The following KRT71 variants were observed in gnomAD, a reference collection of about 807,000 sequenced individuals.
The protein encoded by KRT71 is keratin, type II cytoskeletal 71.
Under a neutral mutation model 46.2 loss-of-function variants are expected in KRT71, and 42 were observed. The observed-to-expected ratio is 0.91, with a 90% CI of 0.71 to 1.18. The LOEUF (loss-of-function observed/expected upper bound fraction) is 1.18. KRT71 is among the 50% of genes most tolerant of loss of function. The probability of loss-of-function intolerance (pLI) is 0.00; values close to 1 mark genes in which losing one functional copy is unlikely to be tolerated. For missense variants in KRT71, 708 were observed against 677.9 expected, an observed-to-expected ratio of 1.04 and a Z score of -0.49; for synonymous variants, 292 against 277.8, an observed-to-expected ratio of 1.05 and a Z score of -0.51.
chr12:52,544,196 AC>A lies in KRT71; in HGVS notation c.*335del. On this transcript the variant is annotated 3_prime_UTR_variant, in exon 9 of 9. Coordinates refer to ENST00000267119, the MANE Select transcript of KRT71 (RefSeq NM_033448.3). ...AGTGTGTGCGGGGCCTTGGGCAGAG[AC>A]CCAGGGAGCCCAGCAGAGTAGTTAG... The A allele has an allele frequency of 2.6e-6, 1 of 381,384 alleles. No individual in the cohort carries two copies. The allele number at this position is 381,384 out of a possible 1,614,324, so 23.6% of individuals were successfully genotyped here.
chr12:52,546,601 C>T, intron 6 of KRT71, 95 bp from the exon 7 acceptor site: 1 of 1,173,192 alleles, frequency 8.5e-7, no homozygotes, highest in Non-Finnish European at 1.2e-6. Context: ...GGCAGAGTGG[C>T]CCGCCTCCAC....
chr12:52,551,473 A>G lies in KRT71; in HGVS notation c.441+1164T>C, dbSNP rs143327204. Among the ~76,000 whole-genome samples the G allele has an allele frequency of 3.9e-4, 60 of 152,334 alleles. 1 individual carries two copies. The East Asian group carries it at 8.9e-3, about 23-fold the overall frequency. ...AACACTTTGATCTTGCAGATATGAA[A>G]AGGCTTAGAAGAATAAGAAGCCGCA... On this transcript the variant is annotated intron_variant, in intron 1 of 8. Transcript: ENST00000267119.
In KRT71 at chr12:52,553,001, C is replaced by G; in HGVS notation, c.77G>C (p.Gly26Ala). The change falls in exon 1 of 9, where the codon GGG (glycine) becomes GCG (alanine). Residue 26 changes from glycine (G) to alanine (A), a missense_variant. Coordinates refer to ENST00000267119, the MANE Select transcript of KRT71 (RefSeq NM_033448.3). ...TGCCCGGAAGGAGGATGAGCTGCCC[C>G]CTGAGAGCACAGCTGAGCAGCCACT... ...GFSGCSAVLS[G>A]GSSSSFRAGS... 2 of 1,613,762 alleles carry G rather than the reference C, an allele frequency of 1.2e-6. No individual in the cohort carries two copies. The highest frequency in any genetic ancestry group is 1.7e-6 in the Non-Finnish European group (2 of 1,179,836).
At chr12:52,548,651 T>C (rs754273167) in intron 4 of KRT71, 50 bp downstream of exon 4, 4 of 1,536,128 alleles carry the variant, frequency 2.6e-6, no homozygotes, top group Admixed American at 3.3e-5. Context: ...TAGAATAGAG[T>C]TTAACCCACC....
chr12:52,548,004 G>A (rs1169454672), intron 5 of KRT71, 22 bp from the exon 6 acceptor site: 4 of 1,527,162 alleles, frequency 2.6e-6, no homozygotes, highest in Non-Finnish European at 3.6e-6. Flanking sequence ...AAAGCACAGA[G>A]TCATGAGTGT....
rs564993214 is a variant in KRT71, at chr12:52,546,233, T to C, written c.1325+53A>G. The C allele has an allele frequency of 3.8e-6, 6 of 1,597,980 alleles. No homozygotes were observed. The African/African-American group carries it at 8.1e-5, about 21-fold the overall frequency. ...GATTGAGATGTGTTAGGCTTTCTCCTTTGGGTCTTCCCAAACCCCTGGGGC... is the reference window on the plus strand; with the variant it reads ...GATTGAGATGTGTTAGGCTTTCTCCCTTGGGTCTTCCCAAACCCCTGGGGC... On this transcript the variant is annotated intron_variant, in intron 7 of 8. Coordinates refer to ENST00000267119, the MANE Select transcript of KRT71 (RefSeq NM_033448.3).
rs752878093 is a variant in KRT71, at chr12:52,544,594, A to C, written c.1510T>G (p.Tyr504Asp). 2 of 1,614,076 alleles carry C rather than the reference A, an allele frequency of 1.2e-6. No homozygotes were observed. The highest frequency in any genetic ancestry group is 2.2e-5 in the South Asian group (2 of 91,084). Residue 504 changes from tyrosine (Y) to aspartate (D), a missense_variant, in exon 9 of 9, where the codon TAC (tyrosine) becomes GAC (aspartate). By Grantham distance (160) the Tyr-to-Asp change is radical. Transcript: ENST00000267119. ...EGRSRGSAND[Y>D]KDTLGKGSSL... ...GAACCCTTCCCTAGGGTGTCTTTGT[A>C]ATCGTTGGCACTGCCCCGGCTCCTG...
intron 2 of KRT71, 129 bp downstream of exon 2, chr12:52,549,900 T>G: frequency 1.9e-6 from 2 of 1,058,106 alleles, no homozygotes; most frequent in Non-Finnish European, 2.8e-6. Flanking sequence ...GTTGGGGTGA[T>G]TCTGCTTGAT....
rs775082125 is a variant in KRT71 at position 52,550,156 on chromosome 12, G to C, written c.529C>G (p.Leu177Val). ...QLDLNNCKNN[L>V]EPILEGYISN... Reference sequence around the variant, plus strand: ...ATGTAGCCCTCGAGGATGGGCTCCAGGTTGTTCTTGCAGTTGTTCAGGTCC... The same window carrying C: ...ATGTAGCCCTCGAGGATGGGCTCCACGTTGTTCTTGCAGTTGTTCAGGTCC... Residue 177 changes from leucine (L) to valine (V), a missense_variant, in exon 2 of 9, where the codon CTG (leucine) becomes GTG (valine). Physicochemically the swap from Leu to Val is conservative, Grantham distance 32. Coordinates refer to ENST00000267119, the MANE Select transcript of KRT71 (RefSeq NM_033448.3). The C allele has an allele frequency of 1.9e-6, 3 of 1,614,172 alleles. No individual in the cohort carries two copies. The Admixed American group carries it at 5.0e-5, about 27-fold the overall frequency.
Position 52,552,632 on chromosome 12 carries a change from C to G in KRT71, c.441+5G>C. On this transcript the variant is annotated splice_donor_5th_base_variant and intron_variant, in intron 1 of 8. Coordinates refer to ENST00000267119, the MANE Select transcript of KRT71 (RefSeq NM_033448.3). The stretch of plus-strand genomic sequence containing the variant: ...CACAAGTTCCCCAGGCCCTAGAAGA[C>G]CCACCTTGTCGATGAAGGAGGCGAA... 1 of 1,606,794 alleles carries G rather than the reference C, an allele frequency of 6.2e-7. No homozygotes were observed. Among genetic ancestry groups the G allele is most frequent in the Non-Finnish European group, 8.5e-7 (1 of 1,176,564 alleles).
In KRT71 at chr12:52,546,470, G is replaced by A. The variant is rs1402899898; in HGVS notation, c.1141C>T (p.Gln381Ter). ...NLETAIADAE[Q>*]RGDNALKDAR... ...TCCTTCAGGGCGTTGTCTCCCCGCT[G>A]CTCAGCATCAGCGATGGCTGTCTCC... The change falls in exon 7 of 9, where the codon CAG (glutamine) becomes TAG (stop). Residue 381 changes from glutamine (Q) to a stop codon, truncating the protein, a stop_gained. Transcript: ENST00000267119. LOFTEE classifies it high-confidence loss of function. 1 of 1,614,050 alleles carries A rather than the reference G, an allele frequency of 6.2e-7. No individual in the cohort carries two copies. The highest frequency in any genetic ancestry group is 1.3e-5 in the African/African-American group (1 of 74,942).
chr12:52,547,317 G>C (rs1939074142), intron 6 of KRT71, among the ~76,000 whole-genome samples: 1 of 152,174 alleles, frequency 6.6e-6, no homozygotes, highest in African/African-American at 2.4e-5. Flanking sequence ...TGTACATCTT[G>C]TGTCTCACCT....
rs1047247476 is a variant in KRT71 at position 52,549,157 on chromosome 12, A to T, written c.717+136T>A. ...CATTCTTTTTTCTGGATAGTCTTTC[A>T]TCAAGTTTTCTCTGCCTTCACCTTG... is the stretch of plus-strand genomic sequence containing the variant. On this transcript the variant is annotated intron_variant, in intron 3 of 8. Transcript: ENST00000267119. The T allele has an allele frequency of 2.1e-5, 16 of 772,016 alleles. No individual in the cohort carries two copies. In the African/African-American group the frequency reaches 2.4e-4, roughly 11 times the overall value. The allele number at this position is 772,016 out of a possible 1,614,324, so 47.8% of individuals were successfully genotyped here. A position where few individuals can be genotyped will look rare whatever the true frequency, so the allele number is the denominator to read the frequency against.
chr12:52,546,888 CAGG>C (rs1475275394), intron 6 of KRT71, among the ~76,000 whole-genome samples: 1 of 152,180 alleles, frequency 6.6e-6, no homozygotes, highest in Non-Finnish European at 1.5e-5. Flanking sequence ...AGCAGCTGCC[CAGG>C]AACAGGGCAC....
At chr12:52,552,227 C>A (rs1939183803) in intron 1 of KRT71, among the ~76,000 whole-genome samples, 1 of 152,248 alleles carries the variant, frequency 6.6e-6, no homozygotes, top group South Asian at 2.1e-4. Context: ...CCCCTTCCTG[C>A]TGCTCCTGAT....
chr12:52,552,434 A>T (rs1238569466), intron 1 of KRT71, among the ~76,000 whole-genome samples: 1 of 152,234 alleles, frequency 6.6e-6, no homozygotes, highest in Non-Finnish European at 1.5e-5. Context: ...GCCAGTAGAA[A>T]TTGACCTGCC....
chr12:52,552,239 C>T (rs866631582), intron 1 of KRT71, among the ~76,000 whole-genome samples: 4 of 152,240 alleles, frequency 2.6e-5, no homozygotes, highest in East Asian at 1.9e-4. Context: ...GCTCCTGATC[C>T]GCTGGGCAAG....
intron 7 of KRT71, among the ~76,000 whole-genome samples, chr12:52,546,029 T>C (rs1939051628): frequency 6.6e-6 from 1 of 151,606 alleles, no homozygotes; most frequent in Non-Finnish European, 1.5e-5. Context: ...TTGTTTCTAG[T>C]ATGCCCAGGA....
intron 7 of KRT71, among the ~76,000 whole-genome samples, chr12:52,545,898 C>G (rs73105537): frequency 6.6e-6 from 1 of 152,138 alleles, no homozygotes. Context: ...CCTGTAGAGC[C>G]CTGGGGAAGC....
Sources: allele counts gnomAD v4.1 joint callset (sites outside exome capture counted in the v4.1 genomes callset), GRCh38; gene constraint gnomAD v4.1.1; transcripts MANE v1.5; gene names NCBI Gene and HGNC (gene_info 2026-07-23, HGNC 2026-07-21).